LOXL1: variants seen among roughly 807,000 people sequenced by gnomAD.
LOXL1 encodes the protein lysyl oxidase like 1, also known as lysyl oxidase homolog 1.
A neutral mutation model predicts 62.2 loss-of-function variants in LOXL1; 31 were observed. That is an observed-to-expected ratio of 0.50 (90% CI 0.37 to 0.67). The LOEUF is 0.67. LOXL1 is among the 30% of genes least tolerant of loss of function. LOXL1 has a pLI of 0.00. For synonymous variants in LOXL1, 403 were observed against 384.4 expected, an observed-to-expected ratio of 1.05 and a Z score of -0.56; for missense variants, 775 against 843.4, an observed-to-expected ratio of 0.92 and a Z score of 1.00.
chr15:73,946,864 G>A (rs879885575), intron 3 of LOXL1, among the ~76,000 whole-genome samples: 2 of 152,268 alleles, frequency 1.3e-5, no homozygotes, highest in Non-Finnish European at 2.9e-5. Context: ...GAGGGGTCTA[G>A]AGCATGTGCT....
chr15:73,949,447 C>T lies in LOXL1; in HGVS notation c.1603-12C>T. On this transcript the variant is annotated splice_polypyrimidine_tract_variant and intron_variant, in intron 5 of 6. Transcript: ENST00000261921. ...CTAGACTCCCTTTCTCCCTGTTTCTCTTCTTCCTCAGGTGCACGTGAACCC... is the reference window on the plus strand; with the variant it reads ...CTAGACTCCCTTTCTCCCTGTTTCTTTTCTTCCTCAGGTGCACGTGAACCC... 1 of 1,542,330 alleles carries T rather than the reference C, an allele frequency of 6.5e-7. No individual in the cohort carries two copies. The highest frequency in any genetic ancestry group is 9.0e-7 in the Non-Finnish European group (1 of 1,114,404).
intron 4 of LOXL1, chr15:73,947,594 C>G: frequency 1.9e-6 from 1 of 520,836 alleles, no homozygotes; most frequent in South Asian, 2.9e-5. Flanking sequence ...CCATCCATCT[C>G]GTCCCTCCCA....
In LOXL1 at chr15:73,927,428, G is replaced by C; in HGVS notation, c.645G>C (p.Gly215=). The C allele has an allele frequency of 1.3e-6, 2 of 1,484,738 alleles. No homozygotes were observed. Among genetic ancestry groups the C allele is most frequent in the Non-Finnish European group, 1.8e-6 (2 of 1,119,006 alleles). 92.0% of individuals were successfully genotyped at this position (1,484,738 alleles called of 1,614,324 possible). The change falls in exon 1 of 7, where the codon GGG becomes GGC. Residue 215 remains glycine, a synonymous_variant. Transcript: ENST00000261921. The part of the protein sequence containing the change: ...YRPAGGGVGA[G]AAAVASAGVI... ...CCGCGGGCGGCGGCGTGGGCGCGGG[G>C]GCGGCGGCCGTGGCCTCGGCGGGGG...
rs1238016972 is a variant in LOXL1 at position 73,926,961 on chromosome 15, G to C, written c.178G>C (p.Glu60Gln). Residue 60 changes from glutamate to glutamine, a missense_variant, in exon 1 of 7, where the codon GAG becomes CAG. Physicochemically the swap from Glu to Gln is conservative, Grantham distance 29. Coordinates refer to ENST00000261921, the MANE Select transcript of LOXL1 (RefSeq NM_005576.4). The stretch of plus-strand genomic sequence containing the variant: ...GTACAGCTTGCTCAACTCGGGCTCA[G>C]AGTACGTGCCGGCCGGACCTCAGCG... ...QVYSLLNSGS[E>Q]YVPAGPQRSE... The C allele has an allele frequency of 1.9e-6, 3 of 1,545,622 alleles. No individual in the cohort carries two copies. The highest frequency in any genetic ancestry group is 2.8e-5 in the African/African-American group (2 of 71,486).
intron 1 of LOXL1, among the ~76,000 whole-genome samples, chr15:73,933,714 A>C (rs1200888952): frequency 6.6e-6 from 1 of 152,252 alleles, no homozygotes; most frequent in Non-Finnish European, 1.5e-5. Context: ...TTCCCAGGAC[A>C]GTGGCTGACA....
Position 73,927,882 on chromosome 15 carries a change from C to T in LOXL1, c.1099C>T (p.Arg367Cys). The T allele has an allele frequency of 7.6e-7, 1 of 1,317,724 alleles. No homozygotes were observed. Among genetic ancestry groups the T allele is most frequent in the South Asian group, 2.2e-5 (1 of 45,070 alleles). The allele number at this position is 1,317,724 out of a possible 1,614,324, so 81.6% of individuals were successfully genotyped here. A position where few individuals can be genotyped will look rare whatever the true frequency, so the allele number is the denominator to read the frequency against. Residue 367 changes from arginine (R) to cysteine (C), a missense_variant, in exon 1 of 7, where the codon CGC becomes TGC. Arg to Cys is a radical substitution (Grantham distance 180, BLOSUM62 -3). Coordinates refer to ENST00000261921, the MANE Select transcript of LOXL1 (RefSeq NM_005576.4). ...CGTGTACCGGCCCAACCAGAACGGC[C>T]GCGGTGAGTACGGCCCCGGCGCCCC... ...GSVYRPNQNG[R>C]GLPDLVPDPN... is the part of the protein sequence containing the mutation.
In LOXL1 at chr15:73,946,580, C is replaced by T. The variant is rs2068749706; in HGVS notation, c.1349+26C>T. 2.5e-6 allele frequency: 4 copies of T among 1,584,544 alleles called. No homozygotes were observed. The Admixed American group carries it at 5.3e-5, about 21-fold the overall frequency. ...GTGAGTGGGGAGGGGCTGGGCCCGT[C>T]CTCTTCCACTTCTCCTCTGGGCCAG... On this transcript the variant is annotated intron_variant, in intron 3 of 6. Transcript: ENST00000261921.
chr15:73,936,779 G>C (rs1371962442), intron 1 of LOXL1, among the ~76,000 whole-genome samples: 2 of 152,258 alleles, frequency 1.3e-5, no homozygotes, highest in Non-Finnish European at 2.9e-5. Context: ...CGCTGGGCAG[G>C]AGGGAACAGA....
chr15:73,927,533 C>G lies in LOXL1; in HGVS notation c.750C>G (p.Gly250=). Reference sequence around the variant, plus strand: ...AGCTGCCCGAGTACCCGCCTCAGGGCTTCTACCCGGCCCCCGAGAGGCCCT... The same window carrying G: ...AGCTGCCCGAGTACCCGCCTCAGGGGTTCTACCCGGCCCCCGAGAGGCCCT... The part of the protein sequence containing the change: ...GEELPEYPPQ[G]FYPAPERPYV... The change falls in exon 1 of 7, where the codon GGC becomes GGG. Residue 250 remains glycine, a synonymous_variant. Transcript: ENST00000261921. 1 of 1,494,944 alleles carries G rather than the reference C, an allele frequency of 6.7e-7. No individual in the cohort carries two copies. The allele number at this position is 1,494,944 out of a possible 1,614,324, so 92.6% of individuals were successfully genotyped here.
At position 73,927,323 on chromosome 15, in the gene LOXL1, GCAGGCGCCCTTCGT is replaced by G; in HGVS notation, c.544_557del (p.Ala182ProfsTer106). 1 of 1,602,960 alleles carries G rather than the reference GCAGGCGCCCTTCGT, an allele frequency of 6.2e-7. No individual in the cohort carries two copies. Among genetic ancestry groups the G allele is most frequent in the Admixed American group, 1.7e-5 (1 of 59,302 alleles). On this transcript the variant is annotated frameshift_variant, in exon 1 of 7. Transcript: ENST00000261921. LOFTEE classifies it high-confidence loss of function. The stretch of plus-strand genomic sequence containing the variant: ...CCTACCCGCAGCAGTTCCCCTACCC[GCAGGCGCCCTTCGT>G]CAGCCAGTACGAGAACTACGACCCC...
chr15:73,933,355 C>T (rs1010759236), intron 1 of LOXL1, among the ~76,000 whole-genome samples: 10 of 152,138 alleles, frequency 6.6e-5, no homozygotes, highest in Admixed American at 3.9e-4. Context: ...CTCTTAGGGA[C>T]GGGTGTTTTA....
At chr15:73,938,636 G>C (rs1047212570) in intron 1 of LOXL1, among the ~76,000 whole-genome samples, 1 of 152,192 alleles carries the variant, frequency 6.6e-6, no homozygotes. Flanking sequence ...ACTTGAACCC[G>C]GGAAGCGGAT....
intron 6 of LOXL1, among the ~76,000 whole-genome samples, chr15:73,951,521 A>AT (rs1472417374): frequency 2.6e-5 from 4 of 151,830 alleles, no homozygotes; most frequent in African/African-American, 9.7e-5. Flanking sequence ...AAAAAAAAAA[A>AT]GTACTGAGTT....
At chr15:73,950,999 G>T (rs1433489059) in intron 6 of LOXL1, among the ~76,000 whole-genome samples, 1 of 152,224 alleles carries the variant, frequency 6.6e-6, no homozygotes, top group Non-Finnish European at 1.5e-5. Flanking sequence ...GCAGGCCTGG[G>T]TTTCCAGCAC....
intron 2 of LOXL1, among the ~76,000 whole-genome samples, chr15:73,944,793 G>A (rs1217457007): frequency 1.3e-5 from 2 of 152,230 alleles, no homozygotes; most frequent in African/African-American, 2.4e-5. Context: ...CAGAGGGAAG[G>A]AGGATGTTTT....
rs1383926835 is a variant in LOXL1, at chr15:73,927,797, C to G, written c.1014C>G (p.Asp338Glu). Residue 338 changes from aspartate to glutamate, a missense_variant, in exon 1 of 7, where the codon GAC (aspartate) becomes GAG (glutamate). Transcript: ENST00000261921. Reference sequence around the variant, plus strand: ...CCTACCTGCCGGTGCGCAGCTCCGACACGCCCCCGCCGGGTGGGGAGCGGA... The same window carrying G: ...CCTACCTGCCGGTGCGCAGCTCCGAGACGCCCCCGCCGGGTGGGGAGCGGA... ...EPPYLPVRSS[D>E]TPPPGGERNG... 7.2e-7 allele frequency: 1 copy of G among 1,385,766 alleles called. No individual in the cohort carries two copies. The allele number at this position is 1,385,766 out of a possible 1,614,324, so 85.8% of individuals were successfully genotyped here. A position where few individuals can be genotyped will look rare whatever the true frequency, so the allele number is the denominator to read the frequency against.
chr15:73,941,063 A>G (rs2068710415), intron 1 of LOXL1, among the ~76,000 whole-genome samples: 1 of 152,096 alleles, frequency 6.6e-6, no homozygotes, highest in Admixed American at 6.5e-5. Context: ...GCACTGGGTG[A>G]TGGGGAAGGG....
chr15:73,944,324 G>T (rs997493278), intron 2 of LOXL1, among the ~76,000 whole-genome samples: 1 of 152,204 alleles, frequency 6.6e-6, no homozygotes, highest in South Asian at 2.1e-4. Flanking sequence ...CTGAGTGCCC[G>T]GACCTGCGCT....
intron 1 of LOXL1, among the ~76,000 whole-genome samples, chr15:73,937,785 G>A (rs951046793): frequency 2.6e-5 from 4 of 152,220 alleles, no homozygotes; most frequent in Non-Finnish European, 5.9e-5. Flanking sequence ...GGTAGTCTGA[G>A]CAAGCCCATC....
Sources: allele counts gnomAD v4.1 joint callset (sites outside exome capture counted in the v4.1 genomes callset), GRCh38; gene constraint gnomAD v4.1.1; transcripts MANE v1.5; gene names NCBI Gene and HGNC (gene_info 2026-07-23, HGNC 2026-07-21).